The following ARHGAP15 variants were observed in gnomAD, a reference collection of about 807,000 sequenced individuals.
ARHGAP15 encodes Rho GTPase activating protein 15.
A neutral mutation model predicts 63.7 loss-of-function variants in ARHGAP15; 51 were observed. The ratio of observed to expected loss-of-function variants is 0.80; its 90% confidence interval spans 0.64 to 1.01. The LOEUF (loss-of-function observed/expected upper bound fraction) is 1.01, where lower values mean the gene tolerates loss of function less well. Among genes scored for constraint, ARHGAP15 ranks in the 50% least tolerant of loss-of-function variants. The pLI, the probability that ARHGAP15 is intolerant of heterozygous loss-of-function variation, is 0.00. For synonymous variants in ARHGAP15, 191 were observed against 193.8 expected (o/e 0.99, Z 0.12); for missense variants, 560 against 564.6 (o/e 0.99, Z 0.08).
At chr2:143,470,055 T>G (rs1253204242) in intron 8 of ARHGAP15, among the ~76,000 whole-genome samples, 1 of 152,182 alleles carries the variant, frequency 6.6e-6, no homozygotes, top group Admixed American at 6.5e-5. Context: ...ACAGGACTCT[T>G]ATCTTTACAA....
At chr2:143,289,915 C>T (rs1209332859) in intron 6 of ARHGAP15, among the ~76,000 whole-genome samples, 1 of 152,118 alleles carries the variant, frequency 6.6e-6, no homozygotes, top group Admixed American at 6.6e-5. Flanking sequence ...TGATTCTTTA[C>T]AATAGTCATT....
At chr2:143,651,877 T>TAA (rs1338309054) in intron 12 of ARHGAP15, among the ~76,000 whole-genome samples, 4 of 152,060 alleles carry the variant, frequency 2.6e-5, no homozygotes, top group African/African-American at 9.7e-5. Flanking sequence ...AAGTGTCTAT[T>TAA]AAAATATTTT....
intron 8 of ARHGAP15, among the ~76,000 whole-genome samples, chr2:143,448,238 A>T (rs1690237504): frequency 6.6e-6 from 1 of 152,128 alleles, no homozygotes. Flanking sequence ...TCAGGTTGGA[A>T]ATGAAGAGTG....
rs142889519 is a variant in ARHGAP15, at chr2:143,241,874, G to C, written c.385-8637G>C. Among the ~76,000 whole-genome samples the C allele has an allele frequency of 5.0e-3, 757 of 152,308 alleles. 4 individuals carry two copies. Among genetic ancestry groups the C allele is most frequent in the African/African-American group, 0.017 (708 of 41,574 alleles). On this transcript the variant is annotated intron_variant, in intron 5 of 13. Coordinates refer to ENST00000295095, the MANE Select transcript of ARHGAP15 (RefSeq NM_018460.4). ...GCCAGAAGTGATGGGCAGTGGTACAGGGATGTTACCATGTTGGCTCCCCAC... is the reference window on the plus strand; with the variant it reads ...GCCAGAAGTGATGGGCAGTGGTACACGGATGTTACCATGTTGGCTCCCCAC...
chr2:143,575,611 C>G (rs1437436135), intron 11 of ARHGAP15, among the ~76,000 whole-genome samples: 1 of 152,066 alleles, frequency 6.6e-6, no homozygotes, highest in Non-Finnish European at 1.5e-5. Flanking sequence ...AAAATGCAGA[C>G]TTTTCATTTT....
chr2:143,468,956 A>G (rs1447206259), intron 8 of ARHGAP15, among the ~76,000 whole-genome samples: 1 of 152,224 alleles, frequency 6.6e-6, no homozygotes, highest in Non-Finnish European at 1.5e-5. Context: ...TGGAGAATGC[A>G]CTGTAACCAG....
intron 8 of ARHGAP15, among the ~76,000 whole-genome samples, chr2:143,472,633 G>C (rs1261452261): frequency 1.3e-5 from 2 of 151,794 alleles, no homozygotes; most frequent in Non-Finnish European, 2.9e-5. Context: ...CAAAGCCTAA[G>C]GACTATCTCT....
At chr2:143,392,982 G>A (rs755429521) in intron 6 of ARHGAP15, among the ~76,000 whole-genome samples, 6 of 152,122 alleles carry the variant, frequency 3.9e-5, no homozygotes, top group Admixed American at 3.3e-4. Flanking sequence ...GTGTGTAAAG[G>A]AGAAGAAGAG....
chr2:143,597,272 TAAA>T (rs1697558463), intron 11 of ARHGAP15, among the ~76,000 whole-genome samples: 1 of 152,038 alleles, frequency 6.6e-6, no homozygotes, highest in African/African-American at 2.4e-5. Context: ...AATAAAGAAA[TAAA>T]AATATAAAAT....
chr2:143,691,438 C>G (rs1254425698), intron 12 of ARHGAP15, among the ~76,000 whole-genome samples: 3 of 152,180 alleles, frequency 2.0e-5, no homozygotes, highest in African/African-American at 4.8e-5. Context: ...TGCCTGCACC[C>G]TACTGTAGCC....
At chr2:143,152,239 C>T (rs568525726) in intron 1 of ARHGAP15, among the ~76,000 whole-genome samples, 1 of 152,096 alleles carries the variant, frequency 6.6e-6, no homozygotes, top group African/African-American at 2.4e-5. Flanking sequence ...TTCTTTCTTT[C>T]TTCGAACTTC....
At chr2:143,328,069 T>C (rs1233924073) in intron 6 of ARHGAP15, among the ~76,000 whole-genome samples, 1 of 152,138 alleles carries the variant, frequency 6.6e-6, no homozygotes, top group Non-Finnish European at 1.5e-5. Flanking sequence ...CCAGTTAGAA[T>C]AGCAGTCATT....
chr2:143,671,505 ATTAT>A (rs1210819129), intron 12 of ARHGAP15, among the ~76,000 whole-genome samples: 1 of 152,176 alleles, frequency 6.6e-6, no homozygotes, highest in Non-Finnish European at 1.5e-5. Context: ...CTTAGATGAG[ATTAT>A]TTTAGATATT....
intron 6 of ARHGAP15, among the ~76,000 whole-genome samples, chr2:143,379,211 TCA>T (rs1686946440): frequency 6.6e-6 from 1 of 151,958 alleles, no homozygotes; most frequent in Non-Finnish European, 1.5e-5. Flanking sequence ...GGTTGAGAAC[TCA>T]GTCTGTGCAC....
At chr2:143,438,857 A>C (rs1377908136) in intron 8 of ARHGAP15, among the ~76,000 whole-genome samples, 1 of 152,190 alleles carries the variant, frequency 6.6e-6, no homozygotes, top group East Asian at 1.9e-4. Context: ...TGCAATGACT[A>C]GTAGGTCTGG....
At chr2:143,263,907 CTTTTTTTTTTTTTTTTTTTTTT>C (rs373296096) in intron 6 of ARHGAP15, among the ~76,000 whole-genome samples, 6 of 38,420 alleles carry the variant, frequency 1.6e-4, no homozygotes, top group Non-Finnish European at 3.1e-4. Context: ...AAGCTGCAGT[CTTTTTTTTTTTTTTTTTTTTTT>C]TTTTTTTTTT....
chr2:143,515,745 AAAG>A (rs1411972103), intron 9 of ARHGAP15, among the ~76,000 whole-genome samples: 3 of 152,220 alleles, frequency 2.0e-5, no homozygotes, highest in African/African-American at 7.2e-5. Flanking sequence ...TAAAAACAAG[AAAG>A]AAGGTGGGAG....
chr2:143,466,960 A>G (rs192684967), intron 8 of ARHGAP15, among the ~76,000 whole-genome samples: 9 of 152,236 alleles, frequency 5.9e-5, no homozygotes, highest in African/African-American at 1.9e-4. Flanking sequence ...TTTTACTCTA[A>G]GAATTGGGCA....
At chr2:143,325,865 A>G (rs1684227449) in intron 6 of ARHGAP15, among the ~76,000 whole-genome samples, 1 of 152,192 alleles carries the variant, frequency 6.6e-6, no homozygotes, top group African/African-American at 2.4e-5. Flanking sequence ...TATTTATTAT[A>G]TGCCAGAAAT....
Sources: gnomAD v4.1 joint callset for allele counts (sites outside exome capture counted in the v4.1 genomes callset) on GRCh38, gnomAD v4.1.1 for gene constraint, MANE v1.5 for transcripts, NCBI Gene and HGNC (gene_info 2026-07-23, HGNC 2026-07-21) for gene names.